Variants in PRKCQ observed in about 807,000 individuals in gnomAD.
The protein encoded by PRKCQ is protein kinase C theta type.
A neutral mutation model predicts 91.2 loss-of-function variants in PRKCQ; 41 were observed. The observed-to-expected ratio is 0.45, with a 90% confidence interval of 0.35 to 0.58. The LOEUF is 0.58. Ranked by LOEUF, PRKCQ falls within the 20% of genes least tolerant of loss-of-function variation. The pLI, the probability that PRKCQ is intolerant of heterozygous loss-of-function variation, is 0.00. For synonymous variants in PRKCQ, 307 were observed against 316.9 expected, an observed-to-expected ratio of 0.97 and a Z score of 0.33; for missense variants, 673 against 896.5, an observed-to-expected ratio of 0.75 and a Z score of 3.18.
At chr10:6,574,098 A>G (rs1287618868) in intron 1 of PRKCQ, among the ~76,000 whole-genome samples, 1 of 152,206 alleles carries the variant, frequency 6.6e-6, no homozygotes, top group East Asian at 1.9e-4. Context: ...CCTGGGCGAC[A>G]GAGCAAGACC....
At chr10:6,526,963 T>C (rs1000280405) in intron 1 of PRKCQ, among the ~76,000 whole-genome samples, 2 of 152,088 alleles carry the variant, frequency 1.3e-5, no homozygotes, top group Non-Finnish European at 2.9e-5. Flanking sequence ...GTGCAGGGAT[T>C]CCGATATCTC....
chr10:6,517,803 G>T (rs928398615), intron 1 of PRKCQ, among the ~76,000 whole-genome samples: 1 of 137,094 alleles, frequency 7.3e-6, no homozygotes, highest in Admixed American at 8.3e-5. Flanking sequence ...GTAAGTAAAC[G>T]CCATTCTTAC....
chr10:6,457,014 T>C (rs1053598919), intron 14 of PRKCQ, among the ~76,000 whole-genome samples: 1 of 152,144 alleles, frequency 6.6e-6, no homozygotes, highest in African/African-American at 2.4e-5. Flanking sequence ...ATGGATTCTT[T>C]CTCTGATTTA....
intron 14 of PRKCQ, among the ~76,000 whole-genome samples, chr10:6,460,825 A>ACCAT (rs1270167883): frequency 2.0e-5 from 3 of 146,920 alleles, no homozygotes; most frequent in Admixed American, 1.4e-4. Flanking sequence ...CCCATCCATC[A>ACCAT]CCATCCATCC....
chr10:6,535,004 A>ATT (rs1839527515), intron 1 of PRKCQ, among the ~76,000 whole-genome samples: 1 of 152,138 alleles, frequency 6.6e-6, no homozygotes, highest in Admixed American at 6.5e-5. Flanking sequence ...AGTCCTAACA[A>ATT]TTTTGTGAAG....
chr10:6,407,412 G>T, the PRKCQ span, among the ~76,000 whole-genome samples: 1 of 152,096 alleles, frequency 6.6e-6, no homozygotes, highest in South Asian at 2.1e-4. The surrounding 1 kb of genome is among the most constrained non-coding windows in gnomAD (Gnocchi z 4.0). Context: ...AAGCAAGCAT[G>T]TGGTGTGCTT....
At chr10:6,496,832 G>A (rs1489472969) in intron 7 of PRKCQ, among the ~76,000 whole-genome samples, 1 of 152,066 alleles carries the variant, frequency 6.6e-6, no homozygotes, top group African/African-American at 2.4e-5. Context: ...ATGCCACCAG[G>A]CCTGGCTAAT....
intron 15 of PRKCQ, among the ~76,000 whole-genome samples, chr10:6,451,879 C>A (rs1239073972): frequency 1.3e-5 from 2 of 152,160 alleles, no homozygotes; most frequent in Admixed American, 1.3e-4. Flanking sequence ...TTCAACAACC[C>A]TTCATGCTAA....
At chr10:6,514,459 G>A (rs1838650710) in intron 2 of PRKCQ, among the ~76,000 whole-genome samples, 1 of 152,156 alleles carries the variant, frequency 6.6e-6, no homozygotes, top group Non-Finnish European at 1.5e-5. Context: ...ACCTTGAGCT[G>A]CCTGTATTTG....
At chr10:6,552,089 TC>T (rs1459732378) in intron 1 of PRKCQ, among the ~76,000 whole-genome samples, 1 of 152,226 alleles carries the variant, frequency 6.6e-6, no homozygotes. Context: ...GAACTTTTTT[TC>T]ATATGCTTGT....
At chr10:6,396,372 CA>C in the PRKCQ span, among the ~76,000 whole-genome samples, 1 of 152,226 alleles carries the variant, frequency 6.6e-6, no homozygotes, top group Admixed American at 6.5e-5. Context: ...ACTGCCATCA[CA>C]GTCATATTTC....
At chr10:6,552,230 T>C (rs1220972339) in intron 1 of PRKCQ, among the ~76,000 whole-genome samples, 2 of 152,220 alleles carry the variant, frequency 1.3e-5, no homozygotes, top group African/African-American at 2.4e-5. Context: ...GTGTTTCAGA[T>C]ATACACAAAT....
intron 1 of PRKCQ, among the ~76,000 whole-genome samples, chr10:6,558,097 A>G (rs1332788491): frequency 2.6e-5 from 4 of 152,200 alleles, no homozygotes; most frequent in African/African-American, 9.7e-5. Flanking sequence ...TTTTAAAAAA[A>G]TCTCTTCCTT....
intron 1 of PRKCQ, among the ~76,000 whole-genome samples, chr10:6,526,966 G>A (rs892179367): frequency 2.0e-5 from 3 of 152,140 alleles, no homozygotes; most frequent in Non-Finnish European, 4.4e-5. Context: ...CAGGGATTCC[G>A]ATATCTCTTG....
intron 13 of PRKCQ, among the ~76,000 whole-genome samples, chr10:6,462,923 T>G (rs1835435139): frequency 6.6e-6 from 1 of 151,136 alleles, no homozygotes; most frequent in South Asian, 2.1e-4. Flanking sequence ...GATAATCACT[T>G]GAACCTGGGA....
chr10:6,444,683 C>T (rs942631457), intron 15 of PRKCQ, among the ~76,000 whole-genome samples: 3 of 139,050 alleles, frequency 2.2e-5, no homozygotes, highest in African/African-American at 8.1e-5. Context: ...TAGCTGGGTG[C>T]ATCTGTGAAC....
chr10:6,505,184 G>T (rs1838124482), intron 4 of PRKCQ, among the ~76,000 whole-genome samples: 1 of 152,130 alleles, frequency 6.6e-6, no homozygotes, highest in African/African-American at 2.4e-5. Flanking sequence ...GAGCCACCGT[G>T]CCCGGCCAAA....
At chr10:6,572,048 G>C (rs1221265960) in intron 1 of PRKCQ, among the ~76,000 whole-genome samples, 1 of 152,096 alleles carries the variant, frequency 6.6e-6, no homozygotes, top group African/African-American at 2.4e-5. Context: ...TAAGCTGTGA[G>C]ACCCACCCAA....
At chr10:6,429,752 T>C (rs962165915) in intron 17 of PRKCQ, among the ~76,000 whole-genome samples, 1 of 149,814 alleles carries the variant, frequency 6.7e-6, no homozygotes. Flanking sequence ...AGTTTTATTT[T>C]TGGAGACAGT....
Sources: gnomAD v4.1 joint callset for allele counts (sites outside exome capture counted in the v4.1 genomes callset) on GRCh38, gnomAD v4.1.1 for gene constraint, Gnocchi (gnomAD v3.1) non-coding constraint, MANE v1.5 for transcripts, NCBI Gene and HGNC (gene_info 2026-07-23, HGNC 2026-07-21) for gene names.